RPS6KC1: variants seen among roughly 807,000 people sequenced by gnomAD.
RPS6KC1 encodes inactive ribosomal protein S6 kinase delta-1.
RPS6KC1 carries 54 observed loss-of-function variants against 103.8 expected under a neutral mutation model. The observed-to-expected ratio is 0.52, with a 90% CI of 0.42 to 0.65. RPS6KC1 has a LOEUF of 0.65. Ranked by LOEUF, RPS6KC1 falls within the 30% of genes least tolerant of loss-of-function variation. The pLI is 0.00. For synonymous variants in RPS6KC1, 439 were observed against 438.7 expected (o/e 1.00, Z -0.01); for missense variants, 1,151 against 1,253.8 (o/e 0.92, Z 1.24).
At chr1:213,799,464 G>T in the RPS6KC1 span, among the ~76,000 whole-genome samples, 1 of 152,132 alleles carries the variant, frequency 6.6e-6, no homozygotes. Flanking sequence ...TGGGCTGGAC[G>T]CTGGCTAACA....
chr1:213,118,547 C>T (rs2083972491), intron 5 of RPS6KC1, among the ~76,000 whole-genome samples: 1 of 152,076 alleles, frequency 6.6e-6, no homozygotes, highest in African/African-American at 2.4e-5. Flanking sequence ...TCCTGTCATA[C>T]AGCAGCAGCC....
At chr1:213,852,355 A>G in the RPS6KC1 span, among the ~76,000 whole-genome samples, 3 of 151,994 alleles carry the variant, frequency 2.0e-5, no homozygotes, top group Non-Finnish European at 4.4e-5. Context: ...CCACATTGCT[A>G]TTCTATGTTA....
chr1:213,711,624 T>G, the RPS6KC1 span, among the ~76,000 whole-genome samples: 2 of 152,224 alleles, frequency 1.3e-5, no homozygotes, highest in Non-Finnish European at 2.9e-5. Context: ...CTTTTTGTGC[T>G]GGTTTTTCCT....
chr1:213,728,937 GTTTTT>G, the RPS6KC1 span, among the ~76,000 whole-genome samples: 46 of 93,438 alleles, frequency 4.9e-4, 2 homozygotes, highest in African/African-American at 2.1e-3. Context: ...GAACATGAGG[GTTTTT>G]TTTTTGTTTT....
the RPS6KC1 span, among the ~76,000 whole-genome samples, chr1:213,800,149 A>G: frequency 6.6e-6 from 1 of 152,104 alleles, no homozygotes; most frequent in Non-Finnish European, 1.5e-5. Context: ...TCAACATATG[A>G]ATTTAGCAGG....
chr1:213,636,298 C>T, the RPS6KC1 span, among the ~76,000 whole-genome samples: 4 of 152,114 alleles, frequency 2.6e-5, no homozygotes, highest in African/African-American at 9.7e-5. Flanking sequence ...CAAAAAAGAG[C>T]CCTCATTGCC....
intron 2 of RPS6KC1, among the ~76,000 whole-genome samples, chr1:213,074,094 C>T (rs1044809079): frequency 2.0e-5 from 3 of 152,084 alleles, no homozygotes; most frequent in African/African-American, 4.8e-5. Flanking sequence ...GATAATCCAG[C>T]AAATTTTAAA....
chr1:213,228,500 T>C (rs1443410832), intron 8 of RPS6KC1, among the ~76,000 whole-genome samples: 1 of 151,794 alleles, frequency 6.6e-6, no homozygotes, highest in East Asian at 1.9e-4. Context: ...GCAGGAGGAT[T>C]GCTTGAGCGA....
intron 5 of RPS6KC1, among the ~76,000 whole-genome samples, chr1:213,123,990 T>G (rs924691958): frequency 2.0e-5 from 3 of 152,154 alleles, no homozygotes; most frequent in African/African-American, 7.2e-5. Flanking sequence ...GGGCCTGTCT[T>G]TCAGAGATGG....
At chr1:213,393,556 T>TA in the RPS6KC1 span, among the ~76,000 whole-genome samples, 1 of 152,236 alleles carries the variant, frequency 6.6e-6, no homozygotes, top group African/African-American at 2.4e-5. Context: ...TTGACTTGAC[T>TA]AGCATTCCTT....
the RPS6KC1 span, among the ~76,000 whole-genome samples, chr1:213,723,306 A>G: frequency 6.6e-6 from 1 of 152,210 alleles, no homozygotes; most frequent in Non-Finnish European, 1.5e-5. Context: ...TTTGTTTGCT[A>G]GGGCTGCCAT....
At chr1:213,566,500 C>CCT in the RPS6KC1 span, among the ~76,000 whole-genome samples, 1 of 55,948 alleles carries the variant, frequency 1.8e-5, no homozygotes, top group Non-Finnish European at 3.5e-5. Flanking sequence ...TTGGATATTG[C>CCT]CTTTCCTCTC....
the RPS6KC1 span, among the ~76,000 whole-genome samples, chr1:213,831,655 A>T: frequency 6.6e-6 from 1 of 152,190 alleles, no homozygotes; most frequent in Admixed American, 6.5e-5. Flanking sequence ...TATAATAATT[A>T]TAATTCCAAT....
chr1:213,481,783 TTA>T, the RPS6KC1 span, among the ~76,000 whole-genome samples: 1 of 152,238 alleles, frequency 6.6e-6, no homozygotes, highest in Non-Finnish European at 1.5e-5. Flanking sequence ...TATACATAAA[TTA>T]TAAATTATAT....
chr1:213,400,281 A>G, the RPS6KC1 span, among the ~76,000 whole-genome samples: 2 of 152,172 alleles, frequency 1.3e-5, no homozygotes, highest in African/African-American at 4.8e-5. Flanking sequence ...ACGAAACCAC[A>G]TTTATTGAGC....
chr1:213,261,391 G>T (rs968369391), intron 12 of RPS6KC1, among the ~76,000 whole-genome samples, 167 bp from the exon 13 acceptor site: 1 of 151,966 alleles, frequency 6.6e-6, no homozygotes, highest in Non-Finnish European at 1.5e-5. Flanking sequence ...ATATGCAACC[G>T]CAGTAGGTGA....
At chr1:213,140,921 A>G (rs1470678140) in intron 6 of RPS6KC1, among the ~76,000 whole-genome samples, 2 of 146,496 alleles carry the variant, frequency 1.4e-5, no homozygotes, top group African/African-American at 5.1e-5. Flanking sequence ...TTTTTGAAAC[A>G]GAGTTTCACT....
chr1:213,076,322 A>C (rs1448985208), intron 2 of RPS6KC1, among the ~76,000 whole-genome samples: 1 of 152,238 alleles, frequency 6.6e-6, no homozygotes, highest in Non-Finnish European at 1.5e-5. Flanking sequence ...TGGCAGCATG[A>C]AAAAGTTTGC....
the RPS6KC1 span, among the ~76,000 whole-genome samples, chr1:213,739,937 T>A: frequency 6.6e-6 from 1 of 152,044 alleles, no homozygotes; most frequent in Non-Finnish European, 1.5e-5. Context: ...AAGAAAAAAT[T>A]AATTGTGCCT....
Sources: gnomAD v4.1 joint callset for allele counts (sites outside exome capture counted in the v4.1 genomes callset) on GRCh38, gnomAD v4.1.1 for gene constraint, MANE v1.5 for transcripts, NCBI Gene and HGNC (gene_info 2026-07-23, HGNC 2026-07-21) for gene names.